The following PSD3 variants were observed in gnomAD, a reference collection of about 807,000 sequenced individuals.
PSD3 encodes the protein PH and SEC7 domain-containing protein 3.
In PSD3, 49 loss-of-function variants were observed where a neutral mutation model predicts 105.5. That is an observed-to-expected ratio of 0.46 (90% CI 0.37 to 0.59). The LOEUF is 0.59. Among genes scored for constraint, PSD3 ranks in the 20% least tolerant of loss-of-function variants. The pLI is 0.00. For missense variants in PSD3, 1,561 were observed against 1,263.8 expected, an observed-to-expected ratio of 1.24 and a Z score of -3.57; for synonymous variants, 557 against 457.8, an observed-to-expected ratio of 1.22 and a Z score of -2.77.
chr8:18,571,129 G>C (rs1262370803), intron 14 of PSD3, among the ~76,000 whole-genome samples: 1 of 152,190 alleles, frequency 6.6e-6, no homozygotes, highest in South Asian at 2.1e-4. Context: ...CAAAAGTGCT[G>C]GGATTACAGG....
intron 9 of PSD3, among the ~76,000 whole-genome samples, chr8:18,731,550 T>C (rs1324685246): frequency 6.6e-6 from 1 of 152,192 alleles, no homozygotes; most frequent in Admixed American, 6.5e-5. Context: ...AAGGAATTGC[T>C]AGGCAGAAAG....
chr8:18,541,623 A>G (rs929773276), intron 15 of PSD3, among the ~76,000 whole-genome samples: 9 of 152,130 alleles, frequency 5.9e-5, no homozygotes, highest in Non-Finnish European at 1.0e-4. Context: ...CACGTGTCAG[A>G]TCCTCAACAG....
chr8:18,734,298 C>G (rs560338678), intron 9 of PSD3: 55 of 152,282 alleles, frequency 3.6e-4, no homozygotes, highest in African/African-American at 1.0e-3. Context: ...AAGAGTTGTA[C>G]TATAACTTTT....
intron 1 of PSD3, among the ~76,000 whole-genome samples, chr8:19,075,590 C>T (rs1391707808): frequency 6.6e-6 from 1 of 152,128 alleles, no homozygotes; most frequent in African/African-American, 2.4e-5. Context: ...CCTGATGGCC[C>T]CTGAAGTGCA....
chr8:18,996,477 A>G (rs1826085026), intron 1 of PSD3, among the ~76,000 whole-genome samples: 1 of 151,984 alleles, frequency 6.6e-6, no homozygotes, highest in African/African-American at 2.4e-5. Context: ...AGATGGGAAG[A>G]TAAGGACTTT....
intron 9 of PSD3, among the ~76,000 whole-genome samples, chr8:18,665,525 C>G (rs1045654987): frequency 6.6e-6 from 1 of 152,186 alleles, no homozygotes; most frequent in Non-Finnish European, 1.5e-5. Flanking sequence ...GGTGAAGATG[C>G]TATGAACACT....
chr8:18,943,045 C>T (rs1355762213), intron 1 of PSD3, among the ~76,000 whole-genome samples: 9 of 152,250 alleles, frequency 5.9e-5, no homozygotes, highest in African/African-American at 1.7e-4. Flanking sequence ...CCAAAAACAG[C>T]GATGTATAAT....
At chr8:18,663,044 T>A (rs1475544299) in intron 9 of PSD3, among the ~76,000 whole-genome samples, 1 of 152,126 alleles carries the variant, frequency 6.6e-6, no homozygotes, top group Non-Finnish European at 1.5e-5. Context: ...TCATTATTAC[T>A]GAAGAAAAAT....
At chr8:18,575,378 G>T (rs1025280801) in intron 12 of PSD3, 93 bp from the exon 13 acceptor site, 10 of 1,221,452 alleles carry the variant, frequency 8.2e-6, no homozygotes, top group African/African-American at 1.6e-5. Flanking sequence ...TAGTTTTTAG[G>T]AAATCCAAGT....
chr8:18,915,575 G>C (rs546429904), intron 2 of PSD3, among the ~76,000 whole-genome samples: 3 of 152,216 alleles, frequency 2.0e-5, no homozygotes, highest in African/African-American at 4.8e-5. Context: ...GACTGAAACA[G>C]ACATGTCTCA....
chr8:18,726,683 A>T lies in PSD3; in HGVS notation c.2172+38766T>A, dbSNP rs188834721. 4.6e-5 allele frequency among the ~76,000 whole-genome samples: 7 copies of T among 152,316 alleles called. No homozygotes were observed. In the East Asian group the frequency reaches 1.4e-3, roughly 29 times the overall value. ...CTGTTGCATCTTTATAACCCCTAGA[A>T]CATGCTTAATAGGTATCAACTGAAT... On this transcript the variant is annotated intron_variant, in intron 9 of 15. Transcript: ENST00000327040.
chr8:18,652,279 A>C (rs1808544761), intron 10 of PSD3, among the ~76,000 whole-genome samples: 1 of 152,066 alleles, frequency 6.6e-6, no homozygotes, highest in Non-Finnish European at 1.5e-5. Flanking sequence ...TTTTTACAGA[A>C]ATGGCAGAAG....
chr8:18,699,693 T>C (rs980220448), intron 9 of PSD3, among the ~76,000 whole-genome samples: 3 of 152,176 alleles, frequency 2.0e-5, no homozygotes, highest in African/African-American at 4.8e-5. Context: ...AGAATTCAAA[T>C]GATATAAAAA....
chr8:18,980,436 T>C (rs1271511615), intron 1 of PSD3, among the ~76,000 whole-genome samples: 1 of 152,164 alleles, frequency 6.6e-6, no homozygotes, highest in Non-Finnish European at 1.5e-5. Flanking sequence ...TAGCACCTAG[T>C]TGGGTTGGTT....
upstream of PSD3, chr8:19,013,719 G>A: frequency 1.4e-6 from 1 of 714,770 alleles, no homozygotes; most frequent in Non-Finnish European, 1.8e-6. Flanking sequence ...GCGGCGGCCC[G>A]CGCGCACCCT....
At position 18,606,854 on chromosome 8, in the gene PSD3, C is replaced by T. The variant is rs187850828; in HGVS notation, c.2411-6420G>A. ...GTGTTGGGCTAACGTTATACCTATA[C>T]GTTCTATGTGTTCCAAACAATCTTT... On this transcript the variant is annotated intron_variant, in intron 11 of 15. Transcript: ENST00000327040. Among the ~76,000 whole-genome samples the T allele has an allele frequency of 6.6e-4, 100 of 152,296 alleles. 1 individual carries two copies. Among genetic ancestry groups the T allele is most frequent in the Middle Eastern group, 3.4e-3 (1 of 294 alleles).
intron 11 of PSD3, among the ~76,000 whole-genome samples, chr8:18,608,391 A>G (rs1174147655): frequency 6.6e-6 from 1 of 152,200 alleles, no homozygotes; most frequent in Non-Finnish European, 1.5e-5. Context: ...GGTGAAATTA[A>G]GAAGTGAATG....
At chr8:18,550,601 G>A (rs1674639543) in intron 15 of PSD3, among the ~76,000 whole-genome samples, 2 of 151,842 alleles carry the variant, frequency 1.3e-5, no homozygotes, top group South Asian at 2.1e-4. Context: ...AATGTGCTCA[G>A]AACATTTAAT....
chr8:18,693,358 C>G (rs1801077465), intron 9 of PSD3, among the ~76,000 whole-genome samples: 2 of 152,194 alleles, frequency 1.3e-5, no homozygotes, highest in Non-Finnish European at 2.9e-5. Context: ...AGCGCAATGG[C>G]TATGAGCCAA....
Sources: allele counts gnomAD v4.1 joint callset (sites outside exome capture counted in the v4.1 genomes callset), GRCh38; gene constraint gnomAD v4.1.1; transcripts MANE v1.5; gene names NCBI Gene and HGNC (gene_info 2026-07-23, HGNC 2026-07-21).